IL1RAPL1: variants seen among roughly 807,000 people sequenced by gnomAD.
IL1RAPL1 encodes interleukin-1 receptor accessory protein-like 1.
In IL1RAPL1, 3 loss-of-function variants were observed where a neutral mutation model predicts 48.4. The observed-to-expected ratio is 0.06, with a 90% confidence interval of 0.03 to 0.16. The LOEUF is 0.16. Among genes scored for constraint, IL1RAPL1 ranks in the 10% least tolerant of loss-of-function variants. The probability of loss-of-function intolerance (pLI) is 1.00; values close to 1 mark genes in which losing one functional copy is unlikely to be tolerated. For missense variants in IL1RAPL1, 349 were observed against 530.6 expected, an observed-to-expected ratio of 0.66 and a Z score of 3.36; for synonymous variants, 185 against 187.7, an observed-to-expected ratio of 0.99 and a Z score of 0.12.
At chrX:29,821,437 G>A (rs1930615247) in intron 6 of IL1RAPL1, among the ~76,000 whole-genome samples, 1 of 104,584 alleles carries the variant, frequency 9.6e-6, no homozygotes, top group Admixed American at 1.0e-4. Context: ...GTGACAGAGC[G>A]AGACTCTGTC....
chrX:28,842,423 A>G (rs916176876), intron 2 of IL1RAPL1, among the ~76,000 whole-genome samples: 2 of 111,394 alleles, frequency 1.8e-5, no homozygotes, highest in Admixed American at 9.6e-5. Flanking sequence ...AATCTCTGCC[A>G]CATTTTCGCT....
chrX:28,768,755 CTATATATATATATA>C (rs1207885215), intron 1 of IL1RAPL1, among the ~76,000 whole-genome samples: 1 of 34,869 alleles, frequency 2.9e-5, no homozygotes, highest in Non-Finnish European at 4.8e-5. Flanking sequence ...CTCTCTCTCT[CTATATATATATATA>C]TATATATATA....
At chrX:29,200,011 C>T (rs1156737336) in intron 2 of IL1RAPL1, among the ~76,000 whole-genome samples, 1 of 111,064 alleles carries the variant, frequency 9.0e-6, no homozygotes, top group Admixed American at 9.6e-5. Context: ...CATTAAGTAC[C>T]TACTGTTTGT....
chrX:28,723,549 T>G (rs1206407008), intron 1 of IL1RAPL1, among the ~76,000 whole-genome samples: 2 of 112,043 alleles, frequency 1.8e-5, no homozygotes, highest in Non-Finnish European at 3.8e-5. Context: ...AAGCAGCTTC[T>G]GGATTCATTG....
At chrX:28,837,869 C>G (rs929715134) in intron 2 of IL1RAPL1, among the ~76,000 whole-genome samples, 4 of 108,101 alleles carry the variant, frequency 3.7e-5, no homozygotes, top group African/African-American at 1.3e-4. Flanking sequence ...AGCCCCATCT[C>G]TTACCCCTTG....
intron 6 of IL1RAPL1, among the ~76,000 whole-genome samples, chrX:29,841,909 C>A (rs1476343290): frequency 2.7e-5 from 3 of 111,826 alleles, no homozygotes; most frequent in Non-Finnish European, 5.6e-5. Context: ...GGAACAAGAT[C>A]AACAAAGGGA....
intron 5 of IL1RAPL1, among the ~76,000 whole-genome samples, chrX:29,662,991 C>T (rs1336057163): frequency 1.8e-5 from 2 of 112,197 alleles, no homozygotes; most frequent in Admixed American, 9.4e-5. Context: ...GTGGATTCAC[C>T]TAGTAAATGT....
intron 2 of IL1RAPL1, among the ~76,000 whole-genome samples, chrX:29,172,852 A>C (rs973074456): frequency 4.5e-5 from 5 of 111,803 alleles, no homozygotes; most frequent in Non-Finnish European, 9.4e-5. Flanking sequence ...TTCATTAAAC[A>C]TTGGAGAATC....
At chrX:29,866,161 A>C (rs1931692211) in intron 6 of IL1RAPL1, among the ~76,000 whole-genome samples, 2 of 111,282 alleles carry the variant, frequency 1.8e-5, no homozygotes. Context: ...ACATTTAATA[A>C]TTTTTTGGAG....
intron 1 of IL1RAPL1, among the ~76,000 whole-genome samples, chrX:28,745,205 A>C (rs372131513): frequency 3.6e-5 from 4 of 111,812 alleles, no homozygotes; most frequent in Admixed American, 2.9e-4. Context: ...ATGAAATACC[A>C]TGATACTGAT....
chrX:29,504,830 G>A (rs1265032932), intron 5 of IL1RAPL1, among the ~76,000 whole-genome samples: 3 of 111,622 alleles, frequency 2.7e-5, no homozygotes, highest in Non-Finnish European at 5.7e-5. Flanking sequence ...GTCCATTTAC[G>A]TTCAATGTTA....
At chrX:28,977,648 T>G (rs1200672120) in intron 2 of IL1RAPL1, among the ~76,000 whole-genome samples, 1 of 111,665 alleles carries the variant, frequency 9.0e-6, no homozygotes, top group Non-Finnish European at 1.9e-5. Context: ...AAAGGCAAAA[T>G]TGAAAGAGGG....
intron 2 of IL1RAPL1, among the ~76,000 whole-genome samples, chrX:29,089,613 T>C (rs1403837197): frequency 3.9e-5 from 4 of 103,876 alleles, no homozygotes; most frequent in Admixed American, 3.2e-4. Context: ...ATCTCTTTGC[T>C]TTTACTCTAC....
intron 5 of IL1RAPL1, among the ~76,000 whole-genome samples, chrX:29,477,074 G>T (rs1934985914): frequency 9.3e-6 from 1 of 107,937 alleles, no homozygotes; most frequent in Admixed American, 9.8e-5. Flanking sequence ...TAGAGACGGG[G>T]TTTCACCTTG....
At chrX:28,898,516 T>C (rs886436701) in intron 2 of IL1RAPL1, among the ~76,000 whole-genome samples, 4 of 111,399 alleles carry the variant, frequency 3.6e-5, no homozygotes, top group Non-Finnish European at 7.5e-5. Flanking sequence ...GGTTTTGCTA[T>C]GTTGCCCAGG....
At chrX:29,641,175 TAAAC>T (rs60275629) in intron 5 of IL1RAPL1, among the ~76,000 whole-genome samples, 7,603 of 105,540 alleles carry the variant, frequency 0.072, 283 homozygotes, top group East Asian at 0.23. Flanking sequence ...TGTCTCAAAA[TAAAC>T]AAACAAACAA....
chrX:29,318,551 A>G (rs189621384), intron 3 of IL1RAPL1, among the ~76,000 whole-genome samples: 1 of 112,647 alleles, frequency 8.9e-6, no homozygotes, highest in East Asian at 2.8e-4. Context: ...GTACAAAATA[A>G]TAACGGTAAT....
At chrX:29,256,887 G>T (rs1206501213) in intron 2 of IL1RAPL1, among the ~76,000 whole-genome samples, 1 of 111,142 alleles carries the variant, frequency 9.0e-6, no homozygotes, top group Non-Finnish European at 1.9e-5. Context: ...GAGACCTTAG[G>T]CTGAGTGACT....
chrX:28,894,363 C>T (rs1375770985), intron 2 of IL1RAPL1, among the ~76,000 whole-genome samples: 2 of 110,857 alleles, frequency 1.8e-5, no homozygotes, highest in African/African-American at 6.6e-5. Flanking sequence ...GGTGGAACTG[C>T]CATCAATAAA....
Sources: gnomAD v4.1 joint callset for allele counts (sites outside exome capture counted in the v4.1 genomes callset) on GRCh38, gnomAD v4.1.1 for gene constraint, MANE v1.5 for transcripts, NCBI Gene and HGNC (gene_info 2026-07-23, HGNC 2026-07-21) for gene names.